MAOB: variants seen among roughly 807,000 people sequenced by gnomAD.
MAOB encodes amine oxidase [flavin-containing] B.
In MAOB, 15 loss-of-function variants were observed where a neutral mutation model predicts 41.9. That is an observed-to-expected ratio of 0.36 (90% CI 0.24 to 0.55). The LOEUF (loss-of-function observed/expected upper bound fraction) is 0.55. MAOB is among the 20% of genes least tolerant of loss of function. The probability of loss-of-function intolerance (pLI) is 0.86; values close to 1 mark genes in which losing one functional copy is unlikely to be tolerated. For missense variants in MAOB, 345 were observed against 398.7 expected, an observed-to-expected ratio of 0.87 and a Z score of 1.15; for synonymous variants, 167 against 144.2, an observed-to-expected ratio of 1.16 and a Z score of -1.13.
intron 1 of MAOB, among the ~76,000 whole-genome samples, chrX:43,865,755 A>C (rs2035361052): frequency 9.2e-6 from 1 of 109,051 alleles, no homozygotes; most frequent in African/African-American, 3.3e-5. Context: ...TGTTTATTTG[A>C]ACTACAGTGA....
chrX:43,841,781 T>C (rs773631806), intron 2 of MAOB, among the ~76,000 whole-genome samples: 1 of 111,994 alleles, frequency 8.9e-6, no homozygotes, highest in Admixed American at 9.5e-5. Context: ...TGAGTTTTGA[T>C]GAAGATTCCA....
intron 1 of MAOB, among the ~76,000 whole-genome samples, chrX:43,850,677 G>A (rs1211140965): frequency 8.9e-6 from 1 of 112,125 alleles, no homozygotes; most frequent in South Asian, 3.7e-4. Context: ...TCGGAAACAT[G>A]ATAACCTTTG....
At chrX:43,877,785 G>C (rs2035449231) in intron 1 of MAOB, among the ~76,000 whole-genome samples, 1 of 111,777 alleles carries the variant, frequency 8.9e-6, no homozygotes, top group Non-Finnish European at 1.9e-5. Flanking sequence ...GAGTTCCTCA[G>C]GCCCCTTGCG....
chrX:43,785,090 G>A (rs949903881), intron 8 of MAOB, among the ~76,000 whole-genome samples: 6 of 113,133 alleles, frequency 5.3e-5, no homozygotes, highest in Admixed American at 9.3e-5. Flanking sequence ...GGAAGTTGCC[G>A]TGAGCCGAGA....
In MAOB at chrX:43,782,412, A is replaced by C. The variant is rs746781801; in HGVS notation, c.929-868T>G. Among the ~76,000 whole-genome samples, 132 of 111,650 alleles carry C rather than the reference A, an allele frequency of 1.2e-3. 1 individual carries two copies. The highest frequency in any genetic ancestry group is 3.9e-3 in the African/African-American group (119 of 30,682). On this transcript the variant is annotated intron_variant, in intron 8 of 14. Transcript: ENST00000378069. The stretch of plus-strand genomic sequence containing the variant: ...CTAGAAGAAATGGATAAATTCCTGG[A>C]CACATACACCCTCCCAAGACTAAAC...
intron 3 of MAOB, among the ~76,000 whole-genome samples, chrX:43,806,007 A>T (rs1479127555): frequency 8.9e-6 from 1 of 112,484 alleles, no homozygotes; most frequent in Admixed American, 9.4e-5. Flanking sequence ...TGTTTTACAA[A>T]TTTTTACAAA....
At chrX:43,786,288 T>C (rs1459039468) in intron 8 of MAOB, among the ~76,000 whole-genome samples, 1 of 111,968 alleles carries the variant, frequency 8.9e-6, no homozygotes, top group Non-Finnish European at 1.9e-5. Flanking sequence ...CAGCGGCAAA[T>C]GTTGTATAGA....
chrX:43,778,613 T>C, intron 11 of MAOB, 69 bp downstream of exon 11: 1 of 892,947 alleles, frequency 1.1e-6, no homozygotes, highest in Non-Finnish European at 1.6e-6. Context: ...CATTAACCTA[T>C]CCCTGCTAGT....
At chrX:43,797,814 C>A (rs1218442468) in intron 5 of MAOB, among the ~76,000 whole-genome samples, 5 of 111,844 alleles carry the variant, frequency 4.5e-5, no homozygotes, top group Non-Finnish European at 9.4e-5. Flanking sequence ...AAGCCAGAGG[C>A]TTTTCCCTCC....
chrX:43,802,214 T>C lies in MAOB; in HGVS notation c.434A>G (p.Asn145Ser). 8.3e-7 allele frequency: 1 copy of C among 1,208,794 alleles called. No homozygotes were observed. Among genetic ancestry groups the C allele is most frequent in the East Asian group, 3.0e-5 (1 of 33,793 alleles). Reference sequence around the variant, plus strand: ...GTCCAGTAGCTCCTTCATTGTCATGTTGTCCCACTCTTCTGCAAGGGGAGC... The same window carrying C: ...GTCCAGTAGCTCCTTCATTGTCATGCTGTCCCACTCTTCTGCAAGGGGAGC... Reference protein sequence around the residue: ...WKAPLAEEWDNMTMKELLDKL... With the variant: ...WKAPLAEEWDSMTMKELLDKL... Residue 145 changes from asparagine to serine, a missense_variant, in exon 5 of 15, where the codon AAC becomes AGC. Transcript: ENST00000378069.
chrX:43,819,978 T>C (rs1185386500), intron 3 of MAOB, among the ~76,000 whole-genome samples: 1 of 112,153 alleles, frequency 8.9e-6, no homozygotes, highest in Admixed American at 9.4e-5. Context: ...AATGTCCTTA[T>C]AAAGGTTTGT....
chrX:43,781,462 A>G lies in MAOB; in HGVS notation c.1011T>C (p.Tyr337=), dbSNP rs1273715715. 1 of 1,188,028 alleles carries G rather than the reference A, an allele frequency of 8.4e-7. No homozygotes were observed. Among genetic ancestry groups the G allele is most frequent in the Non-Finnish European group, 1.1e-6 (1 of 879,984 alleles). The change falls in exon 9 of 15, where the codon TAT becomes TAC. Residue 337 remains tyrosine, a synonymous_variant. Transcript: ENST00000378069. The part of the protein sequence containing the change: ...TLDDTKPEGN[Y]AAIMGFILAH... ...TTGTGCCTTACCCCATTATGGCAGC[A>G]TAGTTGCCTTCAGGTTTGGTATCAT...
At chrX:43,870,794 CA>C (rs763016344) in intron 1 of MAOB, among the ~76,000 whole-genome samples, 1,729 of 21,895 alleles carry the variant, frequency 0.079, 5 homozygotes, top group Non-Finnish European at 0.095. Context: ...GACTCCACCT[CA>C]AAAAAAAAAA....
intron 3 of MAOB, among the ~76,000 whole-genome samples, chrX:43,807,531 T>C (rs773587408): frequency 1.2e-4 from 13 of 112,590 alleles, no homozygotes; most frequent in African/African-American, 4.2e-4. Flanking sequence ...TGCAAGAGCA[T>C]GGGCTCTGGA....
At chrX:43,792,926 C>A (rs1344735279) in intron 8 of MAOB, among the ~76,000 whole-genome samples, 1 of 111,845 alleles carries the variant, frequency 8.9e-6, no homozygotes, top group African/African-American at 3.2e-5. Context: ...ATGGAATCAA[C>A]GTAGGTGCCC....
chrX:43,771,891 G>A (rs973540427), intron 12 of MAOB, among the ~76,000 whole-genome samples: 14 of 111,695 alleles, frequency 1.3e-4, no homozygotes, highest in Non-Finnish European at 1.9e-4. Flanking sequence ...TTCTTTTGCA[G>A]GTGCGTGAAC....
At chrX:43,796,247 C>T (rs943426918) in intron 6 of MAOB, among the ~76,000 whole-genome samples, 2 of 111,492 alleles carry the variant, frequency 1.8e-5, no homozygotes, top group African/African-American at 6.5e-5. Flanking sequence ...TCTTCCCTAG[C>T]TTGCCTGAGC....
chrX:43,777,940 G>A (rs932432502), intron 11 of MAOB, among the ~76,000 whole-genome samples: 3 of 111,464 alleles, frequency 2.7e-5, no homozygotes, highest in Non-Finnish European at 5.7e-5. Flanking sequence ...GATGAGGGAG[G>A]TGATTATGGG....
chrX:43,825,473 C>A (rs2034934142), intron 3 of MAOB, among the ~76,000 whole-genome samples: 1 of 110,611 alleles, frequency 9.0e-6, no homozygotes, highest in Admixed American at 9.7e-5. Flanking sequence ...CTCAGTGAGG[C>A]CCTCCCTGAC....
Sources: allele counts gnomAD v4.1 joint callset (sites outside exome capture counted in the v4.1 genomes callset), GRCh38; gene constraint gnomAD v4.1.1; transcripts MANE v1.5; gene names NCBI Gene and HGNC (gene_info 2026-07-23, HGNC 2026-07-21).